Variants in RHCE observed in about 807,000 individuals in gnomAD.
RHCE encodes blood group Rh(CE) polypeptide.
Under a neutral mutation model 43.8 loss-of-function variants are expected in RHCE, and 22 were observed. That is an observed-to-expected ratio of 0.50 (90% CI 0.36 to 0.72). RHCE has a LOEUF of 0.72. Among genes scored for constraint, RHCE ranks in the 30% least tolerant of loss-of-function variants. RHCE has a pLI of 0.00. For synonymous variants in RHCE, 156 were observed against 210.7 expected (o/e 0.74, Z 2.25); for missense variants, 385 against 525.4 (o/e 0.73, Z 2.61).
intron 3 of RHCE, among the ~76,000 whole-genome samples, chr1:25,393,062 T>C (rs144096388): frequency 3.9e-5 from 6 of 152,326 alleles, no homozygotes; most frequent in African/African-American, 1.4e-4. Context: ...CTAGATATAT[T>C]CTAATTTTGC....
At chr1:25,397,284 G>A (rs886586495) in intron 3 of RHCE, among the ~76,000 whole-genome samples, 1 of 149,392 alleles carries the variant, frequency 6.7e-6, no homozygotes, top group South Asian at 2.1e-4. Flanking sequence ...ATCACCTGAG[G>A]TCAGGAGTTT....
chr1:25,401,795 T>C (rs918349476), intron 3 of RHCE, among the ~76,000 whole-genome samples: 7 of 152,250 alleles, frequency 4.6e-5, no homozygotes, highest in Non-Finnish European at 7.3e-5. Flanking sequence ...CACTGGTTTG[T>C]TGTGTTTAAA....
At chr1:25,422,377 AT>A (rs1469933954), upstream of RHCE, among the ~76,000 whole-genome samples, 2 of 152,198 alleles carry the variant, frequency 1.3e-5, no homozygotes, top group Non-Finnish European at 2.9e-5. Flanking sequence ...TGTACAATAT[AT>A]TCCCACTCTT....
At chr1:25,384,231 A>G (rs1267206800) in intron 7 of RHCE, among the ~76,000 whole-genome samples, 3 of 151,610 alleles carry the variant, frequency 2.0e-5, no homozygotes, top group East Asian at 3.9e-4. Context: ...TTAGCCACAC[A>G]GTGTTACTAA....
chr1:25,375,792 T>TC lies in RHCE; in HGVS notation c.1074-365_1074-364insG, dbSNP rs1491187805. On this transcript the variant is annotated intron_variant, in intron 7 of 9. Transcript: ENST00000294413. ...GAGCCTCCAGTTTTCTCTCTCTCTC[T>TC]TTTTTTTTTTTTTTTTTCTGTTTTT... Among the ~76,000 whole-genome samples, 809 of 111,672 alleles carry TC rather than the reference T, an allele frequency of 7.2e-3. 3 individuals are homozygous for TC. Among genetic ancestry groups the TC allele is most frequent in the Non-Finnish European group, 9.7e-3 (588 of 60,854 alleles). The allele number at this position is 111,672 out of a possible 152,430, so 73.3% of individuals were successfully genotyped here.
chr1:25,393,476 C>A (rs907481058), intron 3 of RHCE, among the ~76,000 whole-genome samples: 5 of 152,112 alleles, frequency 3.3e-5, no homozygotes, highest in African/African-American at 1.2e-4. Context: ...CAAAAATTAG[C>A]CAGGCGTGGT....
chr1:25,371,065 A>G (rs1318786867), intron 8 of RHCE, among the ~76,000 whole-genome samples: 1 of 148,196 alleles, frequency 6.7e-6, no homozygotes, highest in South Asian at 2.1e-4. Context: ...CGATTCTGTA[A>G]ACAATTTTTT....
chr1:25,388,840 G>T, intron 6 of RHCE, 136 bp downstream of exon 6: 1 of 1,425,606 alleles, frequency 7.0e-7, no homozygotes, highest in Non-Finnish European at 9.7e-7. Context: ...TGGATCCCTC[G>T]CTAGGCGTTG....
In RHCE at chr1:25,385,539, T is replaced by C. The variant is rs887980073; in HGVS notation, c.1073+172A>G. 2.1e-5 allele frequency: 21 copies of C among 1,024,152 alleles called. No homozygotes were observed. The African/African-American group carries it at 3.3e-4, about 16-fold the overall frequency. The allele number at this position is 1,024,152 out of a possible 1,614,324, so 63.4% of individuals were successfully genotyped here. A position where few individuals can be genotyped will look rare whatever the true frequency, so the allele number is the denominator to read the frequency against. The stretch of plus-strand genomic sequence containing the variant: ...GTGGCCTGGAGAGGTGATAAATCCA[T>C]CCAAGGTAGGGGCTGGACATAATTT... On this transcript the variant is annotated intron_variant, in intron 7 of 9. Coordinates refer to ENST00000294413, the MANE Select transcript of RHCE (RefSeq NM_020485.8).
intron 1 of RHCE, among the ~76,000 whole-genome samples, chr1:25,416,826 G>GGT (rs1553161325): frequency 6.7e-6 from 1 of 148,168 alleles, no homozygotes; most frequent in African/African-American, 2.5e-5. Flanking sequence ...TGGCGGGGGG[G>GGT]GGTCTCCCTA....
chr1:25,409,236 C>G (rs1647001605), intron 1 of RHCE, among the ~76,000 whole-genome samples: 1 of 123,754 alleles, frequency 8.1e-6, no homozygotes, highest in African/African-American at 2.5e-5. Flanking sequence ...AAGGTCATTG[C>G]TGCTGTTATT....
At chr1:25,372,274 C>G (rs1417216559) in intron 8 of RHCE, among the ~76,000 whole-genome samples, 1 of 151,558 alleles carries the variant, frequency 6.6e-6, no homozygotes, top group Non-Finnish European at 1.5e-5. Context: ...AATCCCAGCA[C>G]TTTGGGAGGC....
chr1:25,429,903 G>A (rs952203310), intron 1 of RHCE: 7 of 152,146 alleles, frequency 4.6e-5, no homozygotes, highest in Non-Finnish European at 8.8e-5. Context: ...TGGCAGGGGA[G>A]TTATAAGGAG....
Position 25,402,173 on chromosome 1 carries a change from A to AGCCT in RHCE, c.486+419_486+422dup, listed in dbSNP as rs1389223709. Among the ~76,000 whole-genome samples the AGCCT allele has an allele frequency of 4.5e-5, 6 of 133,784 alleles. No homozygotes were observed. In the East Asian group the frequency reaches 6.0e-4, roughly 13 times the overall value. The allele number at this position is 133,784 out of a possible 152,430, so 87.8% of individuals were successfully genotyped here. On this transcript the variant is annotated intron_variant, in intron 3 of 9. Transcript: ENST00000294413. ...ATTACAGGTGTGAGCCACTGTACCC[A>AGCCT]GCCTGTCTGTCTGTCTGTCTGTCTG...
intron 2 of RHCE, among the ~76,000 whole-genome samples, chr1:25,428,756 T>C (rs1300747280): frequency 6.6e-6 from 1 of 152,218 alleles, no homozygotes; most frequent in Non-Finnish European, 1.5e-5. Flanking sequence ...ACTTTGGCCA[T>C]TTTTCTTAAC....
chr1:25,406,921 G>A lies in RHCE; in HGVS notation c.335+1762C>T, dbSNP rs1426473549. Among the ~76,000 whole-genome samples, 3 of 116,702 alleles carry A rather than the reference G, an allele frequency of 2.6e-5. 1 individual carries two copies. Among genetic ancestry groups the A allele is most frequent in the South Asian group, 9.3e-4 (2 of 2,160 alleles). 76.6% of individuals were successfully genotyped at this position (116,702 alleles called of 152,430 possible). A position where few individuals can be genotyped will look rare whatever the true frequency, so the allele number is the denominator to read the frequency against. ...ATTACAGGCATGAGCCACCGCGCCC[G>A]GCCCCTAAAACTGTTTTTTGAGACA... On this transcript the variant is annotated intron_variant, in intron 2 of 9. Transcript: ENST00000294413.
intron 1 of RHCE, chr1:25,419,621 T>C (rs894007887): frequency 1.3e-4 from 19 of 151,936 alleles, no homozygotes; most frequent in African/African-American, 4.6e-4. Flanking sequence ...CTGAAACTCA[T>C]TTCAATATTT....
Position 25,389,193 on chromosome 1 carries a change from G to A in RHCE, c.802-80C>T, listed in dbSNP as rs1646278474. 1.7e-5 allele frequency: 25 copies of A among 1,495,110 alleles called. No homozygotes were observed. In the South Asian group the frequency reaches 2.6e-4, roughly 16 times the overall value. The allele number at this position is 1,495,110 out of a possible 1,614,324, so 92.6% of individuals were successfully genotyped here. On this transcript the variant is annotated intron_variant, in intron 5 of 9. Coordinates refer to ENST00000294413, the MANE Select transcript of RHCE (RefSeq NM_020485.8). ...TTGCTGCAAGTGACCAGCACGCTGG[G>A]AACAAGGCAACCCTGTAACATCCTC...
intron 8 of RHCE, among the ~76,000 whole-genome samples, chr1:25,371,612 A>T (rs918993277): frequency 2.0e-5 from 3 of 151,360 alleles, no homozygotes; most frequent in Non-Finnish European, 4.4e-5. Flanking sequence ...AGCTCAAGTG[A>T]TCTGCCCGCC....
Sources: gnomAD v4.1 joint callset for allele counts (sites outside exome capture counted in the v4.1 genomes callset) on GRCh38, gnomAD v4.1.1 for gene constraint, MANE v1.5 for transcripts, NCBI Gene and HGNC (gene_info 2026-07-23, HGNC 2026-07-21) for gene names.